ITPR2: variants seen among roughly 807,000 people sequenced by gnomAD.
ITPR2 encodes inositol 1,4,5-trisphosphate receptor type 2.
Under a neutral mutation model 317.1 loss-of-function variants are expected in ITPR2, and 207 were observed. That is an observed-to-expected ratio of 0.65 (90% CI 0.58 to 0.73). The LOEUF (loss-of-function observed/expected upper bound fraction) is 0.73. Among genes scored for constraint, ITPR2 ranks in the 30% least tolerant of loss-of-function variants. ITPR2 has a pLI of 0.00. For synonymous variants in ITPR2, 1,156 were observed against 1,149.1 expected, an observed-to-expected ratio of 1.01 and a Z score of -0.12; for missense variants, 2,613 against 3,284.0, an observed-to-expected ratio of 0.80 and a Z score of 4.99.
chr12:26,500,072 C>G (rs779279320), intron 37 of ITPR2, among the ~76,000 whole-genome samples: 2 of 152,184 alleles, frequency 1.3e-5, no homozygotes, highest in Non-Finnish European at 2.9e-5. Context: ...TGCTACATCA[C>G]AAGTTCAGCA....
chr12:26,381,192 C>T (rs969901444), intron 55 of ITPR2, among the ~76,000 whole-genome samples: 3 of 152,188 alleles, frequency 2.0e-5, no homozygotes, highest in Non-Finnish European at 4.4e-5. Context: ...GGTCAAGGGA[C>T]ATAACCCTTC....
intron 13 of ITPR2, among the ~76,000 whole-genome samples, chr12:26,677,530 G>T (rs1947938763): frequency 1.3e-5 from 2 of 152,010 alleles, no homozygotes; most frequent in Admixed American, 1.3e-4. Context: ...AGCACAGGAG[G>T]TTGAAGCTGC....
At chr12:26,496,726 G>A (rs948030877) in intron 37 of ITPR2, among the ~76,000 whole-genome samples, 5 of 151,828 alleles carry the variant, frequency 3.3e-5, no homozygotes, top group Admixed American at 6.6e-5. Context: ...GGCAGATCAC[G>A]AGGTCAGGAG....
At chr12:26,594,443 G>A (rs887706530) in intron 32 of ITPR2, among the ~76,000 whole-genome samples, 1 of 151,944 alleles carries the variant, frequency 6.6e-6, no homozygotes, top group Non-Finnish European at 1.5e-5. Flanking sequence ...GGTATAGAGA[G>A]GCAGTGAGCT....
At chr12:26,364,225 A>G (rs1009331517) in intron 55 of ITPR2, among the ~76,000 whole-genome samples, 2 of 152,038 alleles carry the variant, frequency 1.3e-5, no homozygotes, top group Admixed American at 1.3e-4. Context: ...CCTCTGCTTT[A>G]TTTTTCTCTG....
At chr12:26,734,140 T>C (rs1393001490) in intron 2 of ITPR2, among the ~76,000 whole-genome samples, 1 of 152,214 alleles carries the variant, frequency 6.6e-6, no homozygotes, top group Non-Finnish European at 1.5e-5. Context: ...GTATTAGTTC[T>C]ATAAATGAGG....
chr12:26,778,569 G>A (rs1450320366), intron 2 of ITPR2, among the ~76,000 whole-genome samples: 6 of 152,122 alleles, frequency 3.9e-5, no homozygotes, highest in Middle Eastern at 3.2e-3. Context: ...ATTTGCCTTC[G>A]GCTGGCAAGG....
intron 26 of ITPR2, among the ~76,000 whole-genome samples, chr12:26,616,126 A>ATTTT: frequency 6.7e-6 from 1 of 149,830 alleles, no homozygotes; most frequent in Non-Finnish European, 1.5e-5. Flanking sequence ...TTATTTATTT[A>ATTTT]TTTTTATTTT....
rs577396128 is a variant in ITPR2, at chr12:26,602,295, T to G, written c.3678+75A>C. 2.2e-4 allele frequency: 327 copies of G among 1,502,408 alleles called. No individual in the cohort carries two copies. The African/African-American group carries it at 4.1e-3, about 19-fold the overall frequency. 93.1% of individuals were successfully genotyped at this position (1,502,408 alleles called of 1,614,324 possible). A position where few individuals can be genotyped will look rare whatever the true frequency, so the allele number is the denominator to read the frequency against. On this transcript the variant is annotated intron_variant, in intron 28 of 56. Transcript: ENST00000381340. ...CTAAAATAATTAAGAAAGAAAAAAT[T>G]TCTTGGAACTTTGCAAAACATTTGA... is the stretch of plus-strand genomic sequence containing the variant.
intron 1 of ITPR2, among the ~76,000 whole-genome samples, chr12:26,815,716 GA>G (rs922305283): frequency 9.9e-5 from 15 of 150,778 alleles, no homozygotes; most frequent in Admixed American, 2.6e-4. Context: ...AAGTAAGGGA[GA>G]AAAAAAAAGT....
At chr12:26,580,198 T>G in intron 32 of ITPR2, 43 bp from the exon 33 acceptor site, 2 of 1,584,522 alleles carry the variant, frequency 1.3e-6, no homozygotes, top group Non-Finnish European at 1.7e-6. Flanking sequence ...TATCACATTT[T>G]TAAACCACAA....
At chr12:26,750,175 C>T (rs992381849) in intron 2 of ITPR2, among the ~76,000 whole-genome samples, 1 of 152,188 alleles carries the variant, frequency 6.6e-6, no homozygotes, top group African/African-American at 2.4e-5. Context: ...CCTCAGATTG[C>T]AGGTTCGGAT....
chr12:26,818,265 G>T (rs939482395), intron 1 of ITPR2, among the ~76,000 whole-genome samples: 6 of 152,114 alleles, frequency 3.9e-5, no homozygotes, highest in African/African-American at 1.4e-4. Context: ...ACTCCTATGC[G>T]ACAACTTACC....
At chr12:26,465,499 G>A (rs141478684) in intron 45 of ITPR2, among the ~76,000 whole-genome samples, 229 of 152,274 alleles carry the variant, frequency 1.5e-3, no homozygotes, top group Non-Finnish European at 1.6e-3. Flanking sequence ...ATGAGCCAGT[G>A]GGCTAGAGGT....
At chr12:26,576,331 C>G (rs887777483) in intron 34 of ITPR2, among the ~76,000 whole-genome samples, 1 of 152,306 alleles carries the variant, frequency 6.6e-6, no homozygotes, top group South Asian at 2.1e-4. Flanking sequence ...TCTCTGAACA[C>G]TTTCTTCTGT....
chr12:26,705,567 A>C (rs1407382695), intron 9 of ITPR2, among the ~76,000 whole-genome samples: 2 of 152,220 alleles, frequency 1.3e-5, no homozygotes, highest in African/African-American at 2.4e-5. Context: ...GTCAATCCCC[A>C]AACTTCCAGA....
At chr12:26,541,774 T>C (rs1448931530) in intron 37 of ITPR2, among the ~76,000 whole-genome samples, 3 of 152,222 alleles carry the variant, frequency 2.0e-5, no homozygotes, top group African/African-American at 7.2e-5. Flanking sequence ...AATTATGACA[T>C]TCTTTTTGTG....
At chr12:26,378,428 C>T (rs573251215) in intron 55 of ITPR2, among the ~76,000 whole-genome samples, 6 of 152,060 alleles carry the variant, frequency 3.9e-5, no homozygotes, top group South Asian at 4.2e-4. Flanking sequence ...GGCTAAGGGA[C>T]GTGGGATGAA....
At chr12:26,352,670 T>A (rs1223522185) in intron 55 of ITPR2, among the ~76,000 whole-genome samples, 1 of 152,194 alleles carries the variant, frequency 6.6e-6, no homozygotes, top group Non-Finnish European at 1.5e-5. Flanking sequence ...AAATGCACAC[T>A]TGACAGACAA....
Sources: gnomAD v4.1 joint callset for allele counts (sites outside exome capture counted in the v4.1 genomes callset) on GRCh38, gnomAD v4.1.1 for gene constraint, MANE v1.5 for transcripts, NCBI Gene and HGNC (gene_info 2026-07-23, HGNC 2026-07-21) for gene names.